The following EYS variants were observed in gnomAD, a reference collection of about 807,000 sequenced individuals.
EYS encodes the protein protein eyes shut homolog.
A neutral mutation model predicts 282.1 loss-of-function variants in EYS; 250 were observed. That is an observed-to-expected ratio of 0.89 (90% CI 0.80 to 0.98). The LOEUF (loss-of-function observed/expected upper bound fraction) is 0.98. EYS is among the 50% of genes least tolerant of loss of function. EYS has a pLI of 0.00. For synonymous variants in EYS, 1,355 were observed against 1,282.9 expected (o/e 1.06, Z -1.20); for missense variants, 4,016 against 3,709.0 (o/e 1.08, Z -2.15).
chr6:65,069,011 A>G (rs1773831371), intron 12 of EYS, among the ~76,000 whole-genome samples: 1 of 151,994 alleles, frequency 6.6e-6, no homozygotes, highest in Admixed American at 6.6e-5. Context: ...GGCAGAAGAG[A>G]AGCACTCCAT....
At chr6:64,907,619 T>C (rs1286312299) in intron 16 of EYS, among the ~76,000 whole-genome samples, 1 of 152,204 alleles carries the variant, frequency 6.6e-6, no homozygotes, top group African/African-American at 2.4e-5. Flanking sequence ...TATCCTACTA[T>C]ATACAGATCA....
intron 19 of EYS, 37 bp downstream of exon 19, chr6:64,886,660 A>T (rs1767094306): frequency 1.4e-6 from 2 of 1,474,346 alleles, no homozygotes; most frequent in Non-Finnish European, 1.8e-6. Flanking sequence ...TTGCAGACAG[A>T]AATATGTTGC....
chr6:65,562,245 G>A (rs2127346014), intron 2 of EYS, among the ~76,000 whole-genome samples: 1 of 152,158 alleles, frequency 6.6e-6, no homozygotes, highest in Admixed American at 6.5e-5. Context: ...AACATCAGAT[G>A]TGAGCTAGCA....
intron 29 of EYS, among the ~76,000 whole-genome samples, chr6:64,364,372 A>T (rs929038288): frequency 1.3e-5 from 2 of 151,932 alleles, no homozygotes; most frequent in African/African-American, 2.4e-5. Flanking sequence ...AAAATTTTGT[A>T]TGTGTTTCTA....
At chr6:65,323,563 A>G (rs1305782586) in intron 11 of EYS, among the ~76,000 whole-genome samples, 6 of 147,644 alleles carry the variant, frequency 4.1e-5, no homozygotes, top group African/African-American at 1.0e-4. Flanking sequence ...TTTAATCCAT[A>G]CCGTGATTTT....
intron 12 of EYS, among the ~76,000 whole-genome samples, chr6:65,230,474 T>A (rs1030632706): frequency 6.6e-6 from 1 of 151,924 alleles, no homozygotes; most frequent in Non-Finnish European, 1.5e-5. Context: ...TACAATGCCA[T>A]ACATTTTAAT....
At chr6:64,149,203 C>T (rs1774620855) in intron 31 of EYS, among the ~76,000 whole-genome samples, 1 of 152,138 alleles carries the variant, frequency 6.6e-6, no homozygotes, top group South Asian at 2.1e-4. Flanking sequence ...CCACTAGTAT[C>T]CCACTATCAA....
intron 22 of EYS, among the ~76,000 whole-genome samples, chr6:64,687,803 T>A (rs1386380418): frequency 6.6e-6 from 1 of 152,206 alleles, no homozygotes; most frequent in African/African-American, 2.4e-5. Context: ...CGGTACCATC[T>A]CCTCTTTGTA....
chr6:65,003,595 G>T (rs1285089445), intron 13 of EYS, among the ~76,000 whole-genome samples: 2 of 147,212 alleles, frequency 1.4e-5, no homozygotes, highest in Admixed American at 6.8e-5. Context: ...ATAAAAACTT[G>T]CTGGGTTTTG....
intron 16 of EYS, among the ~76,000 whole-genome samples, chr6:64,907,056 T>C (rs1767850999): frequency 6.6e-6 from 1 of 152,140 alleles, no homozygotes; most frequent in African/African-American, 2.4e-5. Flanking sequence ...TTATTATTAT[T>C]ATTTTTTATT....
chr6:64,969,231 C>T (rs1374547025), intron 14 of EYS, among the ~76,000 whole-genome samples: 2 of 152,096 alleles, frequency 1.3e-5, no homozygotes, highest in African/African-American at 2.4e-5. Context: ...AAGTCTCTGT[C>T]AGTGGTTGCA....
chr6:64,854,325 CAATAG>C (rs1267494345), intron 19 of EYS, among the ~76,000 whole-genome samples: 1 of 151,888 alleles, frequency 6.6e-6, no homozygotes, highest in Admixed American at 6.6e-5. Context: ...GCACTATTCA[CAATAG>C]AAAAGACTTG....
intron 29 of EYS, among the ~76,000 whole-genome samples, chr6:64,316,056 T>C (rs1342133473): frequency 6.6e-6 from 1 of 152,196 alleles, no homozygotes; most frequent in East Asian, 1.9e-4. Flanking sequence ...TAGGTACTGA[T>C]GGAAAGTATC....
At chr6:65,352,818 T>C (rs1204560043) in intron 9 of EYS, among the ~76,000 whole-genome samples, 1 of 151,940 alleles carries the variant, frequency 6.6e-6, no homozygotes, top group African/African-American at 2.4e-5. Context: ...TAACCCAGCA[T>C]TTTAGTTCTG....
At chr6:65,487,766 T>C (rs2127263063) in intron 5 of EYS, among the ~76,000 whole-genome samples, 1 of 152,290 alleles carries the variant, frequency 6.6e-6, no homozygotes, top group East Asian at 1.9e-4. Context: ...CTCATTTTTG[T>C]ACTTATGGTA....
intron 26 of EYS, among the ~76,000 whole-genome samples, chr6:64,560,975 C>T (rs577824151): frequency 6.6e-6 from 1 of 152,226 alleles, no homozygotes; most frequent in Admixed American, 6.5e-5. Context: ...AGCAGCACAT[C>T]AAAAAGTTAA....
intron 22 of EYS, among the ~76,000 whole-genome samples, chr6:64,634,938 G>A (rs1033321620): frequency 1.3e-5 from 2 of 151,972 alleles, no homozygotes; most frequent in African/African-American, 4.8e-5. Flanking sequence ...CACGATATTG[G>A]TTCTTCCTAC....
rs1195454692 is a variant in EYS, at chr6:64,052,541, TG to T, written c.6725+13796del. 3.2e-4 allele frequency among the ~76,000 whole-genome samples: 49 copies of T among 152,300 alleles called. 1 individual carries two copies. Among genetic ancestry groups the T allele is most frequent in the Non-Finnish European group, 3.4e-4 (23 of 68,006 alleles). On this transcript the variant is annotated intron_variant, in intron 33 of 42. Coordinates refer to ENST00000503581, the MANE Select transcript of EYS (RefSeq NM_001142800.2). ...AATTGATCCATGTAATTTTCTAAGA[TG>T]AAAAAAATATTTTCTAAACACTTTT...
At chr6:64,106,331 T>A (rs1773010317) in intron 31 of EYS, among the ~76,000 whole-genome samples, 1 of 151,600 alleles carries the variant, frequency 6.6e-6, no homozygotes, top group Non-Finnish European at 1.5e-5. Flanking sequence ...TCCTCAATTT[T>A]TGTTTGCCTG....
Sources: allele counts gnomAD v4.1 joint callset (sites outside exome capture counted in the v4.1 genomes callset), GRCh38; gene constraint gnomAD v4.1.1; transcripts MANE v1.5; gene names NCBI Gene and HGNC (gene_info 2026-07-23, HGNC 2026-07-21).